ARHGEF11: variants seen among roughly 807,000 people sequenced by gnomAD.
ARHGEF11 encodes the protein Rho guanine exchange factor (GEF) 11.
ARHGEF11 carries 55 observed loss-of-function variants against 193.7 expected under a neutral mutation model. The observed-to-expected ratio is 0.28, with a 90% CI of 0.23 to 0.36. The LOEUF (loss-of-function observed/expected upper bound fraction) is 0.36. Ranked by LOEUF, ARHGEF11 falls within the 10% of genes least tolerant of loss-of-function variation. The probability of loss-of-function intolerance (pLI) is 1.00; values close to 1 mark genes in which losing one functional copy is unlikely to be tolerated. For missense variants in ARHGEF11, 1,723 were observed against 2,005.6 expected, an observed-to-expected ratio of 0.86 and a Z score of 2.69; for synonymous variants, 693 against 768.0, an observed-to-expected ratio of 0.90 and a Z score of 1.62.
In ARHGEF11 at chr1:156,948,572, C is replaced by A; in HGVS notation, c.1926-74G>T. ...ATGCTTACATCCTGGCTAACTCTTA[C>A]CTGTGGCTCCATCTCAAAGATGCCT... On this transcript the variant is annotated intron_variant, in intron 22 of 40. Transcript: ENST00000368194. The surrounding 1 kb of genome is among the most constrained non-coding windows in gnomAD (Gnocchi z 4.2). 6.2e-7 allele frequency: 1 copy of A among 1,612,800 alleles called. No individual in the cohort carries two copies. Among genetic ancestry groups the A allele is most frequent in the Non-Finnish European group, 8.5e-7 (1 of 1,179,778 alleles).
intron 35 of ARHGEF11, among the ~76,000 whole-genome samples, chr1:156,940,757 C>T (rs12406029): frequency 0.17 from 25,638 of 152,070 alleles, 2,214 homozygotes; most frequent in East Asian, 0.31. Flanking sequence ...CTGGACAGTG[C>T]TGGCTACAGT....
At position 156,945,027 on chromosome 1, in the gene ARHGEF11, C is replaced by G; in HGVS notation, c.2983G>C (p.Glu995Gln). 6.2e-7 allele frequency: 1 copy of G among 1,613,744 alleles called. No homozygotes were observed. Among genetic ancestry groups the G allele is most frequent in the South Asian group, 1.1e-5 (1 of 91,062 alleles). Residue 995 changes from glutamate to glutamine, a missense_variant, in exon 30 of 41, where the codon GAG (glutamate) becomes CAG (glutamine). By Grantham distance (29) the Glu-to-Gln change is conservative. Transcript: ENST00000368194. ...LERASNPLAA[E>Q]FKSLDLTTRK... ...CAGCCTCTGCCTCCTACCTTGAACT[C>G]TGCTGCCAGGGGGTTGCTGGCCCTC...
intron 1 of ARHGEF11, among the ~76,000 whole-genome samples, chr1:157,008,402 GCACGCA>G (rs1448767747): frequency 1.6e-4 from 6 of 36,462 alleles, no homozygotes; most frequent in Admixed American, 7.8e-4. Context: ...AAGCTTGCAC[GCACGCA>G]CACACACACA....
At chr1:156,974,231 C>G (rs1413278300) in intron 7 of ARHGEF11, among the ~76,000 whole-genome samples, 1 of 152,054 alleles carries the variant, frequency 6.6e-6, no homozygotes, top group East Asian at 1.9e-4. Flanking sequence ...TTATGCCTGG[C>G]TAATTTTTAA....
intron 11 of ARHGEF11, among the ~76,000 whole-genome samples, chr1:156,967,438 A>C (rs1229894401): frequency 6.6e-6 from 1 of 152,210 alleles, no homozygotes; most frequent in Admixed American, 6.5e-5. Flanking sequence ...ATCTTCCTGA[A>C]GTCTCTCCTG....
rs1658468609 is a variant in ARHGEF11, at chr1:156,948,041, T to C, written c.2154-85A>G. The C allele has an allele frequency of 6.4e-7, 1 of 1,556,160 alleles. No individual in the cohort carries two copies. The highest frequency in any genetic ancestry group is 8.7e-7 in the Non-Finnish European group (1 of 1,144,786). ...GCCCTCCCTCTCCTGCCCGACCTGC[T>C]TGCCCCATGCACATGGGAAACCAGT... On this transcript the variant is annotated intron_variant, in intron 24 of 40. Coordinates refer to ENST00000368194, the MANE Select transcript of ARHGEF11 (RefSeq NM_198236.3). This position sits in a 1 kb window ranked among gnomAD's most constrained non-coding sequence, Gnocchi z 4.2.
intron 28 of ARHGEF11, 27 bp downstream of exon 28, chr1:156,946,635 A>C: frequency 7.4e-6 from 12 of 1,613,922 alleles, no homozygotes; most frequent in Non-Finnish European, 1.0e-5. Flanking sequence ...GAGATGAAGG[A>C]AGGCCAAGGC....
At chr1:156,982,864 C>A (rs1664386710) in intron 3 of ARHGEF11, among the ~76,000 whole-genome samples, 1 of 152,168 alleles carries the variant, frequency 6.6e-6, no homozygotes. Context: ...CCAGGATATG[C>A]AAAACAAACC....
Position 156,946,629 on chromosome 1 carries a change from T to G in ARHGEF11, c.2694+33A>C, listed in dbSNP as rs755604707. The G allele has an allele frequency of 6.8e-6, 11 of 1,613,464 alleles. No homozygotes were observed. The South Asian group carries it at 1.2e-4, about 18-fold the overall frequency. On this transcript the variant is annotated intron_variant, in intron 28 of 40. Transcript: ENST00000368194. Reference sequence around the variant, plus strand: ...AGATCCTTGGTGACCTTGATGGAGATGAAGGAAGGCCAAGGCATGGCCAAG... The same window carrying G: ...AGATCCTTGGTGACCTTGATGGAGAGGAAGGAAGGCCAAGGCATGGCCAAG...
Position 157,044,303 on chromosome 1 carries a change from C to T in ARHGEF11, c.28G>A (p.Asp10Asn). The change falls in exon 1 of 41, where the codon GAC becomes AAC. Residue 10 changes from aspartate to asparagine, a missense_variant. By Grantham distance (23) the Asp-to-Asn change is conservative (BLOSUM62 1). This residue lies in a region of ARHGEF11 where 646 missense variants were observed against 710.7 expected (regional missense o/e 0.91). Coordinates refer to ENST00000368194, the MANE Select transcript of ARHGEF11 (RefSeq NM_198236.3). MSVRLPQSIDRLSSLSSLGD... is the reference protein window; with the variant it reads MSVRLPQSINRLSSLSSLGD... ...TCAAATTATTAGCAAACCTACCTGT[C>T]TATACTCTGGGGTAACCTTACACTC... The T allele has an allele frequency of 6.2e-7, 1 of 1,613,470 alleles. No individual in the cohort carries two copies. Among genetic ancestry groups the T allele is most frequent in the Non-Finnish European group, 8.5e-7 (1 of 1,179,834 alleles).
intron 4 of ARHGEF11, 132 bp downstream of exon 4, chr1:156,980,305 T>C (rs1663935070): frequency 1.9e-6 from 2 of 1,031,822 alleles, no homozygotes; most frequent in Admixed American, 2.0e-5. Context: ...CCTCGTATGG[T>C]ACCACTCCTA....
chr1:157,003,604 G>T (rs1006701199), intron 1 of ARHGEF11, among the ~76,000 whole-genome samples: 3 of 152,236 alleles, frequency 2.0e-5, no homozygotes, highest in Non-Finnish European at 4.4e-5. Flanking sequence ...CCCAGGGTTG[G>T]TGAGAGCCAG....
intron 1 of ARHGEF11, among the ~76,000 whole-genome samples, chr1:157,023,449 C>T (rs1670235121): frequency 6.6e-6 from 1 of 152,104 alleles, no homozygotes; most frequent in South Asian, 2.1e-4. Context: ...CTACTTTATG[C>T]CCACTGTCCA....
intron 31 of ARHGEF11, 119 bp from the exon 32 acceptor site, chr1:156,944,221 TTCTC>T (rs1388340975): frequency 3.5e-6 from 5 of 1,427,588 alleles, no homozygotes; most frequent in Non-Finnish European, 4.8e-6. Context: ...GTGACCCCAT[TTCTC>T]TCTCTGATTA....
At chr1:156,956,386 A>G (rs747627404) in intron 19 of ARHGEF11, 34 bp downstream of exon 19, 3 of 1,611,936 alleles carry the variant, frequency 1.9e-6, no homozygotes, top group Admixed American at 3.3e-5. Context: ...AAGTACTAGG[A>G]TTACAGGCAT....
In ARHGEF11 at chr1:156,938,413, A is replaced by C. The variant is rs1431996835; in HGVS notation, c.4192+5T>G. On this transcript the variant is annotated splice_donor_5th_base_variant and intron_variant, in intron 38 of 40. Transcript: ENST00000368194. The stretch of plus-strand genomic sequence containing the variant: ...TGTCTTTAGCTCCAAGGAGAAAGTT[A>C]TTACCCGTAGCCTTTGTTCCGCCTT... The C allele has an allele frequency of 6.2e-7, 1 of 1,612,574 alleles. No homozygotes were observed.
chr1:157,034,382 C>G (rs536394287), intron 1 of ARHGEF11, among the ~76,000 whole-genome samples: 547 of 152,330 alleles, frequency 3.6e-3, no homozygotes, highest in Non-Finnish European at 5.6e-3. Context: ...CAGGGAAAGG[C>G]AGCCCGGAAA....
chr1:156,966,374 C>T (rs2102243518), intron 11 of ARHGEF11, among the ~76,000 whole-genome samples: 1 of 152,312 alleles, frequency 6.6e-6, no homozygotes, highest in South Asian at 2.1e-4. Flanking sequence ...GTAATTAAAA[C>T]AGAAGTTTCA....
chr1:157,017,742 AG>A, intron 1 of ARHGEF11, among the ~76,000 whole-genome samples: 1 of 151,214 alleles, frequency 6.6e-6, no homozygotes. Context: ...GAAACGGAGA[AG>A]AGGATTTAAT....
Sources: gnomAD v4.1 joint callset for allele counts (sites outside exome capture counted in the v4.1 genomes callset) on GRCh38, gnomAD v4.1.1 for gene constraint, gnomAD v4.1.1 regional missense constraint, Gnocchi (gnomAD v3.1) non-coding constraint, MANE v1.5 for transcripts, NCBI Gene and HGNC (gene_info 2026-07-23, HGNC 2026-07-21) for gene names.